SMAP2: variants seen among roughly 807,000 people sequenced by gnomAD.
SMAP2 encodes stromal membrane-associated protein 2.
SMAP2 carries 25 observed loss-of-function variants against 56.4 expected under a neutral mutation model. The observed-to-expected ratio is 0.44, with a 90% CI of 0.32 to 0.62. SMAP2 has a LOEUF of 0.62. Ranked by LOEUF, SMAP2 falls within the 20% of genes least tolerant of loss-of-function variation. The pLI is 0.04. For synonymous variants in SMAP2, 157 were observed against 181.7 expected, an observed-to-expected ratio of 0.86 and a Z score of 1.09; for missense variants, 388 against 545.6, an observed-to-expected ratio of 0.71 and a Z score of 2.88.
In SMAP2 at chr1:40,374,330, T is replaced by A; in HGVS notation, c.103+107T>A. 1 of 940,776 alleles carries A rather than the reference T, an allele frequency of 1.1e-6. No individual in the cohort carries two copies. Among genetic ancestry groups the A allele is most frequent in the Non-Finnish European group, 1.7e-6 (1 of 594,532 alleles). The allele number at this position is 940,776 out of a possible 1,614,324, so 58.3% of individuals were successfully genotyped here. On this transcript the variant is annotated intron_variant, in intron 1 of 9. Coordinates refer to ENST00000372718, the MANE Select transcript of SMAP2 (RefSeq NM_022733.3). This position sits in a 1 kb window ranked among gnomAD's most constrained non-coding sequence, Gnocchi z 5.9. ...AGCTTAGGCCGCCCAACTCGGCTTA[T>A]AAGTGGTAACGCGTGCTGCGCTTGC... is the stretch of plus-strand genomic sequence containing the variant.
At chr1:40,402,093 T>G (rs953230389) in intron 1 of SMAP2, among the ~76,000 whole-genome samples, 7 of 152,258 alleles carry the variant, frequency 4.6e-5, no homozygotes, top group African/African-American at 1.7e-4. Flanking sequence ...TTGTTTGGCA[T>G]ATTGCCTCTC....
At chr1:40,353,361 AC>A (rs1428110534) in intron 1 of SMAP2, among the ~76,000 whole-genome samples, 3 of 151,972 alleles carry the variant, frequency 2.0e-5, no homozygotes, top group Non-Finnish European at 4.4e-5. Context: ...CAGAATAGTC[AC>A]CCAGAGGGCT....
chr1:40,347,281 G>T (rs1456854200), intron 1 of SMAP2, among the ~76,000 whole-genome samples: 1 of 147,738 alleles, frequency 6.8e-6, no homozygotes, highest in Non-Finnish European at 1.5e-5. Context: ...AGCAAAGATG[G>T]AGTTTCACCA....
At chr1:40,350,705 A>T (rs1419750482) in intron 1 of SMAP2, among the ~76,000 whole-genome samples, 3 of 152,120 alleles carry the variant, frequency 2.0e-5, no homozygotes, top group Admixed American at 2.0e-4. Flanking sequence ...TCTTGTGTCT[A>T]TTTGGATGAA....
chr1:40,345,107 A>G (rs1005300701), intron 1 of SMAP2, among the ~76,000 whole-genome samples: 13 of 152,066 alleles, frequency 8.5e-5, no homozygotes, highest in Non-Finnish European at 1.2e-4. Flanking sequence ...TGTCATTTGT[A>G]AAAGGCAAAA....
At chr1:40,359,440 T>A (rs1644450303) in intron 1 of SMAP2, among the ~76,000 whole-genome samples, 2 of 152,308 alleles carry the variant, frequency 1.3e-5, no homozygotes, top group South Asian at 4.1e-4. Context: ...ATGCAACAGA[T>A]CACCAGGTCT....
intron 1 of SMAP2, among the ~76,000 whole-genome samples, chr1:40,382,617 T>C (rs961845728): frequency 6.6e-6 from 1 of 152,254 alleles, no homozygotes; most frequent in African/African-American, 2.4e-5. Context: ...TCATACCACA[T>C]TGAAAAGGTA....
intron 1 of SMAP2, among the ~76,000 whole-genome samples, chr1:40,346,441 C>T (rs535768637): frequency 3.9e-5 from 6 of 152,030 alleles, no homozygotes; most frequent in African/African-American, 1.2e-4. Flanking sequence ...ATGATGACAG[C>T]TCACTGCAGC....
intron 1 of SMAP2, among the ~76,000 whole-genome samples, chr1:40,347,718 G>T (rs1449378306): frequency 6.6e-6 from 1 of 152,046 alleles, no homozygotes; most frequent in East Asian, 1.9e-4. Context: ...TATTTTTATT[G>T]GTTTATAGTA....
At chr1:40,394,851 A>T (rs971464184) in intron 1 of SMAP2, among the ~76,000 whole-genome samples, 1 of 152,108 alleles carries the variant, frequency 6.6e-6, no homozygotes, top group Non-Finnish European at 1.5e-5. Flanking sequence ...CTCTAGTTGG[A>T]ACAGAGACTC....
chr1:40,419,027 G>A (rs938988988), intron 9 of SMAP2, among the ~76,000 whole-genome samples: 2 of 152,108 alleles, frequency 1.3e-5, no homozygotes, highest in African/African-American at 4.8e-5. Context: ...GGTGACAAGC[G>A]TTGCAGAATA....
chr1:40,418,112 A>C (rs539313657), intron 9 of SMAP2, among the ~76,000 whole-genome samples: 1 of 152,340 alleles, frequency 6.6e-6, no homozygotes, highest in South Asian at 2.1e-4. Context: ...AAATGTCCTT[A>C]AACATTTGCA....
At chr1:40,370,806 T>C (rs975480127), upstream of SMAP2, among the ~76,000 whole-genome samples, 1 of 141,876 alleles carries the variant, frequency 7.0e-6, no homozygotes, top group African/African-American at 2.7e-5. Context: ...TGTATACATA[T>C]GTAACTAACC....
In SMAP2 at chr1:40,393,494, T is replaced by C. The variant is rs1343924708; in HGVS notation, c.104-13242T>C. The C allele has an allele frequency of 2.6e-6, 4 of 1,535,274 alleles. No homozygotes were observed. The African/African-American group carries it at 5.5e-5, about 21-fold the overall frequency. On this transcript the variant is annotated intron_variant, in intron 1 of 9. Transcript: ENST00000372718. Reference sequence around the variant, plus strand: ...AGGAAATAGGCCCTGTAAAGCTATTTGTGAGAGACTGTAAGTTGATCAACA... The same window carrying C: ...AGGAAATAGGCCCTGTAAAGCTATTCGTGAGAGACTGTAAGTTGATCAACA...
At chr1:40,412,124 T>C (rs1644942086) in intron 4 of SMAP2, among the ~76,000 whole-genome samples, 1 of 152,212 alleles carries the variant, frequency 6.6e-6, no homozygotes, top group Admixed American at 6.5e-5. Context: ...TATTTAATTT[T>C]TTTTAGCATA....
intron 1 of SMAP2, among the ~76,000 whole-genome samples, chr1:40,361,696 C>T (rs1176999630): frequency 6.6e-6 from 1 of 152,136 alleles, no homozygotes; most frequent in East Asian, 1.9e-4. Flanking sequence ...CCAGGGAGTA[C>T]TTTCCGTGGG....
rs149092810 is a variant in SMAP2 at position 40,415,723 on chromosome 1, C to T, written c.681+342C>T. On this transcript the variant is annotated intron_variant, in intron 7 of 9. Coordinates refer to ENST00000372718, the MANE Select transcript of SMAP2 (RefSeq NM_022733.3). ...CCTTTAATGGCTACCATTCGTGAAA[C>T]GCCTGCTATGTCTCAGGCACAGTGT... Among the ~76,000 whole-genome samples, 33 of 152,266 alleles carry T rather than the reference C, an allele frequency of 2.2e-4. No homozygotes were observed. In the East Asian group the frequency reaches 2.3e-3, roughly 11 times the overall value.
At chr1:40,396,204 T>C (rs1431614672) in intron 1 of SMAP2, among the ~76,000 whole-genome samples, 1 of 152,208 alleles carries the variant, frequency 6.6e-6, no homozygotes, top group Non-Finnish European at 1.5e-5. Flanking sequence ...AGCACCAGGA[T>C]ATCAAAATGG....
intron 1 of SMAP2, among the ~76,000 whole-genome samples, chr1:40,388,423 C>T (rs868759900): frequency 5.3e-5 from 8 of 152,114 alleles, no homozygotes; most frequent in Non-Finnish European, 1.0e-4. Flanking sequence ...CAATCAGCAC[C>T]CTGTGTCTAG....
Sources: gnomAD v4.1 joint callset for allele counts (sites outside exome capture counted in the v4.1 genomes callset) on GRCh38, gnomAD v4.1.1 for gene constraint, Gnocchi (gnomAD v3.1) non-coding constraint, MANE v1.5 for transcripts, NCBI Gene and HGNC (gene_info 2026-07-23, HGNC 2026-07-21) for gene names.